The following C16orf92 variants were observed in gnomAD, a reference collection of about 807,000 sequenced individuals.
The protein encoded by C16orf92 is fertilization-influencing membrane protein 1, also known as fertilization-influencing membrane protein.
Under a neutral mutation model 13.7 loss-of-function variants are expected in C16orf92, and 14 were observed. The observed-to-expected ratio is 1.02, with a 90% CI of 0.67 to 1.60. C16orf92 has a LOEUF of 1.60. Ranked by LOEUF, C16orf92 falls within the 40% of genes most tolerant of loss-of-function variation. The probability of loss-of-function intolerance (pLI) is 0.00; values close to 1 mark genes in which losing one functional copy is unlikely to be tolerated. For synonymous variants in C16orf92, 50 were observed against 57.4 expected, an observed-to-expected ratio of 0.87 and a Z score of 0.58; for missense variants, 116 against 139.0, an observed-to-expected ratio of 0.83 and a Z score of 0.83.
chr16:30,027,104 G>T, downstream of C16orf92: 1 of 586,252 alleles, frequency 1.7e-6, no homozygotes, highest in Non-Finnish European at 3.2e-6. Flanking sequence ...CGGGGGAAAA[G>T]AAAAGACCAG....
chr16:30,026,548 C>A, downstream of C16orf92: 1 of 1,443,274 alleles, frequency 6.9e-7, no homozygotes, highest in East Asian at 2.4e-5. Flanking sequence ...CTCCTGCCAG[C>A]ACCAGCAGGA....
downstream of C16orf92, chr16:30,025,856 C>T (rs765167401): frequency 1.3e-6 from 2 of 1,569,622 alleles, no homozygotes; most frequent in Non-Finnish European, 1.8e-6. This position sits in a 1 kb window ranked among gnomAD's most constrained non-coding sequence, Gnocchi z 4.1. Context: ...GGAGCTGGGG[C>T]TCTCCCTGGG....
downstream of C16orf92, chr16:30,025,732 G>A (rs201239038): frequency 5.0e-6 from 8 of 1,614,118 alleles, no homozygotes; most frequent in East Asian, 6.7e-5. This position sits in a 1 kb window ranked among gnomAD's most constrained non-coding sequence, Gnocchi z 4.1. Flanking sequence ...TCACCTGGAT[G>A]AGGATCTTGC....
At chr16:30,025,601 G>A, downstream of C16orf92, 4 of 1,472,776 alleles carry the variant, frequency 2.7e-6, no homozygotes, top group Non-Finnish European at 3.8e-6. This position sits in a 1 kb window ranked among gnomAD's most constrained non-coding sequence, Gnocchi z 4.1. Flanking sequence ...AGCACCAGGT[G>A]CTCAAAATGC....
chr16:30,023,918 C>A (rs2070964635), intron 2 of C16orf92, 33 bp downstream of exon 2: 1 of 1,597,432 alleles, frequency 6.3e-7, no homozygotes, highest in East Asian at 2.2e-5. Context: ...ACCTCCCTCC[C>A]CGCCAGGGTC....
chr16:30,023,938 G>A, intron 2 of C16orf92, 53 bp downstream of exon 2: 11 of 1,591,048 alleles, frequency 6.9e-6, no homozygotes, highest in Non-Finnish European at 8.6e-6. Flanking sequence ...CTGGAGGAGA[G>A]CAGCCCCAGA....
chr16:30,025,276 A>G (rs2071064176), downstream of C16orf92: 1 of 1,544,892 alleles, frequency 6.5e-7, no homozygotes, highest in African/African-American at 1.4e-5. This position sits in a 1 kb window ranked among gnomAD's most constrained non-coding sequence, Gnocchi z 4.1. Context: ...AGTAGAGCTG[A>G]GGGGCCAGGA....
intron 1 of C16orf92, 107 bp from the exon 2 acceptor site, chr16:30,023,620 C>T: frequency 6.3e-7 from 1 of 1,583,144 alleles, no homozygotes. Flanking sequence ...TCCACAGCCT[C>T]TGCAATAAGG....
At chr16:30,023,938 G>C in intron 2 of C16orf92, 53 bp downstream of exon 2, 1 of 1,591,048 alleles carries the variant, frequency 6.3e-7, no homozygotes, top group Non-Finnish European at 8.6e-7. Context: ...CTGGAGGAGA[G>C]CAGCCCCAGA....
chr16:30,025,175 C>T (rs999307495), downstream of C16orf92: 4 of 1,442,570 alleles, frequency 2.8e-6, no homozygotes, highest in African/African-American at 1.4e-5. This position sits in a 1 kb window ranked among gnomAD's most constrained non-coding sequence, Gnocchi z 4.1. Flanking sequence ...GGGTCCCGGC[C>T]CCCGGCCTCA....
At chr16:30,025,210 CG>C (rs2071057862), downstream of C16orf92, 1 of 1,491,124 alleles carries the variant, frequency 6.7e-7, no homozygotes, top group Non-Finnish European at 8.9e-7. This position sits in a 1 kb window ranked among gnomAD's most constrained non-coding sequence, Gnocchi z 4.1. Context: ...AGGCCGGGGG[CG>C]GCCGGGAGCG....
In C16orf92 at chr16:30,024,436, C is replaced by T. The variant is rs949431657; in HGVS notation, c.*209C>T. The T allele has an allele frequency of 1.3e-5, 9 of 677,660 alleles. No homozygotes were observed. The highest frequency in any genetic ancestry group is 9.0e-5 in the African/African-American group (5 of 55,312). The allele number at this position is 677,660 out of a possible 1,614,324, so 42.0% of individuals were successfully genotyped here. The stretch of plus-strand genomic sequence containing the variant: ...GTGGCAAGGGCCTTGGTGGCGTTCA[C>T]GCAGATCGTCTTTTATTAGCGGTCT... On this transcript the variant is annotated 3_prime_UTR_variant, in exon 4 of 4. Transcript: ENST00000681219.
At chr16:30,025,146 G>A (rs554564509), downstream of C16orf92, 13 of 1,298,578 alleles carry the variant, frequency 1.0e-5, no homozygotes, top group Admixed American at 5.9e-5. This position sits in a 1 kb window ranked among gnomAD's most constrained non-coding sequence, Gnocchi z 4.1. Context: ...CTCCACGGGG[G>A]TGGGGGTGGG....
chr16:30,025,844 G>A, downstream of C16orf92: 2 of 1,593,950 alleles, frequency 1.3e-6, no homozygotes, highest in African/African-American at 1.3e-5. The surrounding 1 kb of genome is among the most constrained non-coding windows in gnomAD (Gnocchi z 4.1). Flanking sequence ...GCAGGAAGGT[G>A]AGGAGCTGGG....
downstream of C16orf92, chr16:30,025,558 C>T: frequency 6.4e-7 from 1 of 1,554,922 alleles, no homozygotes. This position sits in a 1 kb window ranked among gnomAD's most constrained non-coding sequence, Gnocchi z 4.1. Flanking sequence ...TAGCAGGCAG[C>T]TCCTCCCAAA....
At chr16:30,027,178 G>A, downstream of C16orf92, 1 of 480,024 alleles carries the variant, frequency 2.1e-6, no homozygotes, top group Non-Finnish European at 4.1e-6. Context: ...AGGCAGGTGG[G>A]ACCTTGCCAT....
rs2071010611 is a variant in C16orf92, at chr16:30,024,574, A to C, written c.*347A>C. 8.5e-6 allele frequency: 3 copies of C among 353,176 alleles called. No homozygotes were observed. The highest frequency in any genetic ancestry group is 1.5e-5 in the Non-Finnish European group (3 of 194,132). 21.9% of individuals were successfully genotyped at this position (353,176 alleles called of 1,614,324 possible). A position where few individuals can be genotyped will look rare whatever the true frequency, so the allele number is the denominator to read the frequency against. ...CGCGATGTGCAGCCGATGGTGAGGG[A>C]CTGGGCGCCCTCGCCTGCCCCCGGG... On this transcript the variant is annotated 3_prime_UTR_variant, in exon 4 of 4. Transcript: ENST00000681219.
At chr16:30,025,986 C>A (rs2071113351), downstream of C16orf92, among the ~76,000 whole-genome samples, 1 of 151,714 alleles carries the variant, frequency 6.6e-6, no homozygotes, top group African/African-American at 2.4e-5. The surrounding 1 kb of genome is among the most constrained non-coding windows in gnomAD (Gnocchi z 4.1). Context: ...GTAATCCCAG[C>A]ACTTTGGGAG....
Position 30,023,793 on chromosome 16 carries a change from C to T in C16orf92, c.131C>T (p.Pro44Leu), listed in dbSNP as rs1567291484. 2 of 1,614,168 alleles carry T rather than the reference C, an allele frequency of 1.2e-6. No individual in the cohort carries two copies. Among genetic ancestry groups the T allele is most frequent in the Middle Eastern group, 1.6e-4 (1 of 6,062 alleles). ...GAGTCTCCGCGCTTCTTAGACAGAC[C>T]TGACTTCTTCGATTATCCGGACTCA... ...GTESPRFLDR[P>L]DFFDYPDSDQ... Residue 44 changes from proline (P) to leucine (L), a missense_variant, in exon 2 of 4, where the codon CCT (proline) becomes CTT (leucine). Transcript: ENST00000681219.
Sources: gnomAD v4.1 joint callset for allele counts (sites outside exome capture counted in the v4.1 genomes callset) on GRCh38, gnomAD v4.1.1 for gene constraint, Gnocchi (gnomAD v3.1) non-coding constraint, MANE v1.5 for transcripts, NCBI Gene and HGNC (gene_info 2026-07-23, HGNC 2026-07-21) for gene names.